DNAH6: variants seen among roughly 807,000 people sequenced by gnomAD.
The protein encoded by DNAH6 is axonemal beta dynein heavy chain 6.
DNAH6 carries 340 observed loss-of-function variants against 491.4 expected under a neutral mutation model. That is an observed-to-expected ratio of 0.69 (90% CI 0.63 to 0.76). The LOEUF (loss-of-function observed/expected upper bound fraction) is 0.76. Ranked by LOEUF, DNAH6 falls within the 30% of genes least tolerant of loss-of-function variation. DNAH6 has a pLI of 0.00. For missense variants in DNAH6, 4,443 were observed against 4,972.2 expected, an observed-to-expected ratio of 0.89 and a Z score of 3.20; for synonymous variants, 1,603 against 1,686.1, an observed-to-expected ratio of 0.95 and a Z score of 1.21.
At chr2:84,791,840 AT>A (rs777256263) in intron 68 of DNAH6, among the ~76,000 whole-genome samples, 10 of 152,034 alleles carry the variant, frequency 6.6e-5, no homozygotes, top group Non-Finnish European at 8.8e-5. Context: ...TTAGGCATTC[AT>A]TTATGGATTA....
chr2:84,526,822 A>G (rs776172647), intron 3 of DNAH6, among the ~76,000 whole-genome samples: 6 of 152,166 alleles, frequency 3.9e-5, no homozygotes, highest in Non-Finnish European at 5.9e-5. Flanking sequence ...TGAGCCAGGA[A>G]AGATTTAATT....
rs538733153 is a variant in DNAH6 at position 84,803,269 on chromosome 2, A to T, written c.11482-2396A>T. The stretch of plus-strand genomic sequence containing the variant: ...ACACTGGGTACACATGGACGTAAAG[A>T]TGGGAACAATAGACCCTGGGGACTC... On this transcript the variant is annotated intron_variant, in intron 70 of 76. Transcript: ENST00000389394. 3.9e-5 allele frequency among the ~76,000 whole-genome samples: 6 copies of T among 152,296 alleles called. No individual in the cohort carries two copies. In the South Asian group the frequency reaches 1.2e-3, roughly 32 times the overall value.
At chr2:84,636,334 G>A (rs927271257) in intron 30 of DNAH6, among the ~76,000 whole-genome samples, 5 of 152,150 alleles carry the variant, frequency 3.3e-5, no homozygotes, top group African/African-American at 1.2e-4. Flanking sequence ...TTCCTGGAAT[G>A]GCTGCCCCTG....
the DNAH6 span, among the ~76,000 whole-genome samples, chr2:84,502,648 T>TA: frequency 6.6e-6 from 1 of 152,206 alleles, no homozygotes; most frequent in Admixed American, 6.5e-5. Context: ...TATTGGAGCC[T>TA]ATCCTAGCTC....
intron 10 of DNAH6, among the ~76,000 whole-genome samples, chr2:84,555,854 A>G (rs931067805): frequency 2.0e-5 from 3 of 152,070 alleles, no homozygotes; most frequent in Non-Finnish European, 4.4e-5. Flanking sequence ...AGATCAGATC[A>G]TCAGCTCTTG....
chr2:84,814,209 C>A, intron 75 of DNAH6, 87 bp downstream of exon 75: 2 of 1,359,024 alleles, frequency 1.5e-6, no homozygotes, highest in Non-Finnish European at 2.0e-6. Context: ...CCCACTCCCC[C>A]ACCACCTCCC....
chr2:84,638,183 C>A (rs1026475962), intron 31 of DNAH6, among the ~76,000 whole-genome samples: 15 of 151,880 alleles, frequency 9.9e-5, no homozygotes, highest in Admixed American at 8.5e-4. Flanking sequence ...ACATTTTGTA[C>A]TTTTTTACAA....
chr2:84,665,227 A>G (rs1276977465), intron 37 of DNAH6, among the ~76,000 whole-genome samples: 1 of 152,186 alleles, frequency 6.6e-6, no homozygotes, highest in Non-Finnish European at 1.5e-5. Context: ...AAGCTAGCAG[A>G]AGGCAAGAAA....
At chr2:84,664,447 A>C (rs1302359071) in intron 37 of DNAH6, among the ~76,000 whole-genome samples, 2 of 152,204 alleles carry the variant, frequency 1.3e-5, no homozygotes. Context: ...AGGGGTTGCA[A>C]TCTTAGTCTC....
the DNAH6 span, among the ~76,000 whole-genome samples, chr2:84,488,541 C>T: frequency 6.6e-6 from 1 of 152,088 alleles, no homozygotes; most frequent in Admixed American, 6.5e-5. Flanking sequence ...ACCCACATTC[C>T]TTGGCTCCTG....
At chr2:84,760,223 A>G (rs998497218) in intron 63 of DNAH6, among the ~76,000 whole-genome samples, 1 of 152,174 alleles carries the variant, frequency 6.6e-6, no homozygotes, top group Non-Finnish European at 1.5e-5. Context: ...CTAGAAGAAA[A>G]CCAAGGGAAA....
chr2:84,725,481 G>C lies in DNAH6; in HGVS notation c.9973-2188G>C, dbSNP rs563919221. On this transcript the variant is annotated intron_variant, in intron 60 of 76. Coordinates refer to ENST00000389394, the MANE Select transcript of DNAH6 (RefSeq NM_001370.2). ...CTTATATCTCTGCTCCCTTCCTTCA[G>C]TTGACAGGTATTAACCCAAGCAAAA... Among the ~76,000 whole-genome samples the C allele has an allele frequency of 8.0e-4, 122 of 152,278 alleles. 4 individuals are homozygous for C. In the South Asian group the frequency reaches 0.016, roughly 20 times the overall value.
intron 33 of DNAH6, among the ~76,000 whole-genome samples, chr2:84,650,609 G>A (rs1296828800): frequency 4.6e-5 from 7 of 151,810 alleles, no homozygotes; most frequent in Non-Finnish European, 7.4e-5. Context: ...GATCTCACCT[G>A]TGTGTAGTCA....
chr2:84,762,937 T>C lies in DNAH6; in HGVS notation c.10695T>C (p.Tyr3565=). The part of the protein sequence containing the change: ...AFQRFARESG[Y]SERVQSISLG... ...AGAGGTTTGCCAGGGAAAGTGGATA[T>C]TCAGAACGGTAAGTTCATGTTGTGC... Residue 3565 remains tyrosine (Y), a synonymous_variant, in exon 64 of 77, where the codon TAT becomes TAC. Transcript: ENST00000389394. The C allele has an allele frequency of 6.4e-7, 1 of 1,550,546 alleles. No homozygotes were observed. Among genetic ancestry groups the C allele is most frequent in the Non-Finnish European group, 8.7e-7 (1 of 1,146,128 alleles).
chr2:84,703,770 C>T (rs563158523), intron 50 of DNAH6, among the ~76,000 whole-genome samples: 337 of 151,912 alleles, frequency 2.2e-3, no homozygotes, highest in South Asian at 6.2e-3. Flanking sequence ...GGCTCTGTCC[C>T]CAAGAATTGA....
At chr2:84,814,662 A>G (rs974462302) in intron 75 of DNAH6, among the ~76,000 whole-genome samples, 1 of 152,080 alleles carries the variant, frequency 6.6e-6, no homozygotes, top group Non-Finnish European at 1.5e-5. Flanking sequence ...TGCTCAGCAC[A>G]CTCCATCTGC....
At chr2:84,670,847 T>G (rs185681416) in intron 39 of DNAH6, among the ~76,000 whole-genome samples, 1 of 152,322 alleles carries the variant, frequency 6.6e-6, no homozygotes, top group Admixed American at 6.5e-5. Context: ...CTGTTTTGGT[T>G]TTTTCTTCAG....
In DNAH6 at chr2:84,705,688, T is replaced by C. The variant is rs562043465; in HGVS notation, c.8668T>C (p.Leu2890=). 3.9e-6 allele frequency: 6 copies of C among 1,551,642 alleles called. No homozygotes were observed. Among genetic ancestry groups the C allele is most frequent in the Non-Finnish European group, 5.2e-6 (6 of 1,146,994 alleles). ...SMCMWVRAMD[L]YSRVVKVVEP... is the part of the protein sequence containing the mutation. Reference sequence around the variant, plus strand: ...GTGCATGTGGGTAAGAGCTATGGATTTGTACTCTCGAGTGGTCAAGGTCGT... The same window carrying C: ...GTGCATGTGGGTAAGAGCTATGGATCTGTACTCTCGAGTGGTCAAGGTCGT... The change falls in exon 52 of 77, where the codon TTG becomes CTG. Residue 2890 remains leucine (L), a synonymous_variant. Coordinates refer to ENST00000389394, the MANE Select transcript of DNAH6 (RefSeq NM_001370.2).
At chr2:84,546,959 C>G (rs543897616) in intron 5 of DNAH6, among the ~76,000 whole-genome samples, 12 of 152,260 alleles carry the variant, frequency 7.9e-5, no homozygotes, top group African/African-American at 2.9e-4. Context: ...TAAGGTAACA[C>G]CCAGTTTTCT....
Sources: allele counts gnomAD v4.1 joint callset (sites outside exome capture counted in the v4.1 genomes callset), GRCh38; gene constraint gnomAD v4.1.1; transcripts MANE v1.5; gene names NCBI Gene and HGNC (gene_info 2026-07-23, HGNC 2026-07-21).